Variants in IFT74 observed in about 807,000 individuals in gnomAD.
The protein encoded by IFT74 is intraflagellar transport 74.
In IFT74, 92 loss-of-function variants were observed where a neutral mutation model predicts 96.7. The ratio of observed to expected loss-of-function variants is 0.95; its 90% CI spans 0.80 to 1.13. The LOEUF (loss-of-function observed/expected upper bound fraction) is 1.13, where lower values mean the gene tolerates loss of function less well. Ranked by LOEUF, IFT74 falls within the 50% of genes most tolerant of loss-of-function variation. The pLI, the probability that IFT74 is intolerant of heterozygous loss-of-function variation, is 0.00. For synonymous variants in IFT74, 223 were observed against 213.2 expected, an observed-to-expected ratio of 1.05 and a Z score of -0.40; for missense variants, 811 against 698.2, an observed-to-expected ratio of 1.16 and a Z score of -1.82.
At chr9:27,013,491 A>G (rs1223907659) in intron 10 of IFT74, among the ~76,000 whole-genome samples, 1 of 152,208 alleles carries the variant, frequency 6.6e-6, no homozygotes, top group African/African-American at 2.4e-5. Context: ...AATTGCCTTC[A>G]AAAAGGTTGT....
intron 7 of IFT74, 133 bp from the exon 8 acceptor site, chr9:26,989,998 TTTC>T: frequency 2.3e-6 from 1 of 439,148 alleles, no homozygotes; most frequent in Non-Finnish European, 4.1e-6. Flanking sequence ...TTACTTTATT[TTTC>T]TTCTTAAACT....
At chr9:26,982,340 T>G (rs1240169080) in intron 4 of IFT74, 1 of 444,388 alleles carries the variant, frequency 2.3e-6, no homozygotes, top group Non-Finnish European at 4.5e-6. Flanking sequence ...CTCACGTCAC[T>G]GCAACTTCCA....
intron 14 of IFT74, among the ~76,000 whole-genome samples, chr9:27,045,962 G>A (rs961643266): frequency 6.6e-5 from 10 of 152,054 alleles, no homozygotes; most frequent in Non-Finnish European, 5.9e-5. Flanking sequence ...GTGGTATCTG[G>A]CACTTAGGTG....
chr9:27,054,292 T>C (rs1481525224), intron 16 of IFT74, among the ~76,000 whole-genome samples: 1 of 152,198 alleles, frequency 6.6e-6, no homozygotes, highest in Non-Finnish European at 1.5e-5. Flanking sequence ...GGAACACTTT[T>C]ACCTTCCTCT....
upstream of IFT74, among the ~76,000 whole-genome samples, chr9:26,955,354 T>G (rs534449000): frequency 6.6e-6 from 1 of 152,286 alleles, no homozygotes; most frequent in South Asian, 2.1e-4. Flanking sequence ...TCACCCTTAC[T>G]TCAACAGACT....
chr9:27,038,530 G>T (rs945005609), intron 13 of IFT74, among the ~76,000 whole-genome samples: 2 of 152,154 alleles, frequency 1.3e-5, no homozygotes, highest in African/African-American at 4.8e-5. Flanking sequence ...GCCTGTCTTG[G>T]CCTCCCAAAG....
chr9:27,024,848 A>G (rs1316728531), intron 12 of IFT74, among the ~76,000 whole-genome samples: 1 of 151,994 alleles, frequency 6.6e-6, no homozygotes, highest in East Asian at 1.9e-4. Flanking sequence ...TGAAAGACAC[A>G]CTTTGAGAAA....
chr9:27,017,783 C>G (rs1829419133), intron 11 of IFT74, among the ~76,000 whole-genome samples: 1 of 152,104 alleles, frequency 6.6e-6, no homozygotes, highest in Non-Finnish European at 1.5e-5. Flanking sequence ...ACACATGTAA[C>G]ATGTATTTAG....
intron 18 of IFT74, among the ~76,000 whole-genome samples, chr9:27,056,918 A>C (rs1014828435): frequency 4.6e-5 from 7 of 151,430 alleles, no homozygotes; most frequent in Non-Finnish European, 8.9e-5. Context: ...GTGTATACAC[A>C]TATTTATGCA....
chr9:27,062,778 T>C lies in IFT74; in HGVS notation c.*42T>C. The C allele has an allele frequency of 1.9e-6, 2 of 1,036,580 alleles. No homozygotes were observed. The allele number at this position is 1,036,580 out of a possible 1,614,324, so 64.2% of individuals were successfully genotyped here. On this transcript the variant is annotated 3_prime_UTR_variant, in exon 20 of 20. Transcript: ENST00000380062. ...AGTCTCTAAGGAAGTATCCTCTTGCTGCTAAACTTGGTACAAGTTGACTAC... is the reference window on the plus strand; with the variant it reads ...AGTCTCTAAGGAAGTATCCTCTTGCCGCTAAACTTGGTACAAGTTGACTAC...
At chr9:26,995,752 T>C in intron 8 of IFT74, 2 of 1,613,884 alleles carry the variant, frequency 1.2e-6, no homozygotes, top group South Asian at 2.2e-5. Context: ...TGTACCATAT[T>C]GGGCATTTGA....
chr9:26,959,404 C>G (rs555659834), intron 1 of IFT74, among the ~76,000 whole-genome samples: 1 of 152,096 alleles, frequency 6.6e-6, no homozygotes, highest in Non-Finnish European at 1.5e-5. Context: ...CCACCGCGCC[C>G]GGCTGGATAT....
At chr9:26,974,239 G>C (rs1359897293) in intron 2 of IFT74, among the ~76,000 whole-genome samples, 2 of 152,110 alleles carry the variant, frequency 1.3e-5, no homozygotes, top group Non-Finnish European at 2.9e-5. Flanking sequence ...CTTTGTTTTT[G>C]CTTTTCTGCG....
chr9:26,981,934 ATTTTTGTATT>A (rs1827395100), intron 4 of IFT74, among the ~76,000 whole-genome samples: 1 of 150,422 alleles, frequency 6.6e-6, no homozygotes, highest in African/African-American at 2.4e-5. Context: ...TGCCTGGCTA[ATTTTTGTATT>A]TTTTAGTAGA....
intron 2 of IFT74, among the ~76,000 whole-genome samples, chr9:26,970,602 T>C (rs894808495): frequency 3.6e-4 from 55 of 152,228 alleles, no homozygotes; most frequent in African/African-American, 1.1e-3. Context: ...CTCACAGTTA[T>C]GCTTGCATAA....
Position 27,058,093 on chromosome 9 carries a change from CT to C in IFT74, c.1623+1647del, listed in dbSNP as rs952005404. On this transcript the variant is annotated intron_variant, in intron 18 of 19. Transcript: ENST00000380062. ...CATTTTCTTAACTTTTTTCAGCCTT[CT>C]TTTTTTTTTTTTCAAACAGAGTCTC... 1.2e-3 allele frequency among the ~76,000 whole-genome samples: 174 copies of C among 143,708 alleles called. 1 individual carries two copies. Among genetic ancestry groups the C allele is most frequent in the South Asian group, 1.8e-3 (8 of 4,506 alleles). The allele number at this position is 143,708 out of a possible 152,430, so 94.3% of individuals were successfully genotyped here.
chr9:26,968,169 A>G (rs950957136), intron 2 of IFT74, among the ~76,000 whole-genome samples: 2 of 149,056 alleles, frequency 1.3e-5, no homozygotes, highest in Non-Finnish European at 3.0e-5. Context: ...TAGGATCAGT[A>G]TTAGTTCTTT....
chr9:26,990,184 T>A lies in IFT74; in HGVS notation c.576T>A (p.Thr192=), dbSNP rs749383949. 2 of 1,464,490 alleles carry A rather than the reference T, an allele frequency of 1.4e-6. No homozygotes were observed. The highest frequency in any genetic ancestry group is 5.1e-5 in the East Asian group (2 of 39,002). The allele number at this position is 1,464,490 out of a possible 1,614,324, so 90.7% of individuals were successfully genotyped here. ...RETQSLDVIF[T]ERQAKEKQIR... ...CACAAAGTTTGGATGTCATATTTACTGAAAGACAAGCGTAAGTATAGCTAA... is the reference window on the plus strand; with the variant it reads ...CACAAAGTTTGGATGTCATATTTACAGAAAGACAAGCGTAAGTATAGCTAA... The change falls in exon 8 of 20, where the codon ACT becomes ACA. Residue 192 remains threonine (T), a synonymous_variant. Transcript: ENST00000380062.
chr9:27,021,489 A>C (rs558705568), intron 12 of IFT74, among the ~76,000 whole-genome samples: 41 of 152,236 alleles, frequency 2.7e-4, no homozygotes, highest in African/African-American at 8.9e-4. Flanking sequence ...ATCCACACCA[A>C]CATCTATTTT....
Sources: allele counts gnomAD v4.1 joint callset (sites outside exome capture counted in the v4.1 genomes callset), GRCh38; gene constraint gnomAD v4.1.1; transcripts MANE v1.5; gene names NCBI Gene and HGNC (gene_info 2026-07-23, HGNC 2026-07-21).